Variants in CYSLTR1 observed in about 807,000 individuals in gnomAD.
CYSLTR1 encodes G-protein coupled receptor HG55.
A neutral mutation model predicts 2.1 loss-of-function variants in CYSLTR1; 1 was observed. The ratio of observed to expected loss-of-function variants is 0.48; its 90% CI spans 0.17 to 2.28. The LOEUF (loss-of-function observed/expected upper bound fraction) is 2.28, where lower values mean the gene tolerates loss of function less well. CYSLTR1 is among the 30% of genes most tolerant of loss of function. The pLI, the probability that CYSLTR1 is intolerant of heterozygous loss-of-function variation, is 0.26. For missense variants in CYSLTR1, 299 were observed against 250.1 expected, an observed-to-expected ratio of 1.20 and a Z score of -1.32; for synonymous variants, 110 against 89.6, an observed-to-expected ratio of 1.23 and a Z score of -1.28.
intron 1 of CYSLTR1, among the ~76,000 whole-genome samples, chrX:78,316,030 T>C (rs1490608987): frequency 8.9e-6 from 1 of 112,293 alleles, no homozygotes; most frequent in Non-Finnish European, 1.9e-5. Flanking sequence ...CACCCTCAGC[T>C]TTAGGTGGTT....
chrX:78,322,884 G>T, intron 1 of CYSLTR1, among the ~76,000 whole-genome samples: 1 of 111,636 alleles, frequency 9.0e-6, no homozygotes, highest in Non-Finnish European at 1.9e-5. Flanking sequence ...TCTGTTGTCA[G>T]ACAGTTGGAA....
chrX:78,274,159 C>T (rs1921458081), intron 2 of CYSLTR1, among the ~76,000 whole-genome samples: 1 of 111,330 alleles, frequency 9.0e-6, no homozygotes, highest in African/African-American at 3.3e-5. Flanking sequence ...ATGAATATAT[C>T]TATATTTATA....
chrX:78,315,099 C>G (rs1266240431), intron 1 of CYSLTR1, among the ~76,000 whole-genome samples: 7 of 106,512 alleles, frequency 6.6e-5, no homozygotes, highest in African/African-American at 2.4e-4. Context: ...GATAGGGCAC[C>G]TGTTAGAGCT....
chrX:78,297,470 T>C (rs1198382782), intron 1 of CYSLTR1, among the ~76,000 whole-genome samples: 9 of 111,843 alleles, frequency 8.0e-5, no homozygotes, highest in African/African-American at 2.6e-4. Flanking sequence ...TATGAGTTCT[T>C]TAAATGTTTG....
intron 2 of CYSLTR1, among the ~76,000 whole-genome samples, chrX:78,279,738 G>C (rs1260259388): frequency 8.9e-6 from 1 of 112,132 alleles, no homozygotes; most frequent in Non-Finnish European, 1.9e-5. Context: ...AACATGGTAT[G>C]TATACACTAT....
chrX:78,305,063 A>G (rs1017635324), intron 1 of CYSLTR1, among the ~76,000 whole-genome samples: 5 of 111,415 alleles, frequency 4.5e-5, no homozygotes, highest in African/African-American at 6.5e-5. Flanking sequence ...TCCAAATCCA[A>G]TGATCCATTT....
chrX:78,297,775 T>G (rs1278220582), intron 1 of CYSLTR1, among the ~76,000 whole-genome samples: 1 of 111,715 alleles, frequency 9.0e-6, no homozygotes, highest in Non-Finnish European at 1.9e-5. Context: ...CTCTCTTTTC[T>G]TAGTCTAGCT....
Position 78,273,421 on chromosome X carries a change from C to T in CYSLTR1, c.326G>A (p.Cys109Tyr). 8.3e-7 allele frequency: 1 copy of T among 1,211,187 alleles called. No individual in the cohort carries two copies. Among genetic ancestry groups the T allele is most frequent in the Non-Finnish European group, 1.1e-6 (1 of 895,262 alleles). ...STYALYVNLYCSIFFMTAMSF... is the reference protein window; with the variant it reads ...STYALYVNLYYSIFFMTAMSF... ...CATGGCTGTCATAAAGAAGATGCTA[C>T]AATAGAGGTTGACATACAAAGCATA... The change falls in exon 3 of 3, where the codon TGT (cysteine) becomes TAT (tyrosine). Residue 109 changes from cysteine (C) to tyrosine (Y), a missense_variant. Transcript: ENST00000373304.
chrX:78,281,329 C>A (rs1161962672), intron 2 of CYSLTR1, among the ~76,000 whole-genome samples: 1 of 108,927 alleles, frequency 9.2e-6, no homozygotes, highest in East Asian at 2.9e-4. Flanking sequence ...TGCAATGGCA[C>A]AATCTCGGCT....
intron 1 of CYSLTR1, among the ~76,000 whole-genome samples, chrX:78,307,835 G>A (rs1368302250): frequency 1.8e-5 from 2 of 111,750 alleles, no homozygotes; most frequent in Non-Finnish European, 3.8e-5. Flanking sequence ...GGTGCTTCAG[G>A]TGAATATTTA....
At chrX:78,313,313 T>C (rs894329940) in intron 1 of CYSLTR1, among the ~76,000 whole-genome samples, 11 of 110,831 alleles carry the variant, frequency 9.9e-5, no homozygotes, top group African/African-American at 3.3e-4. Flanking sequence ...GACTACCTGA[T>C]GGGGGAGAAA....
intron 1 of CYSLTR1, among the ~76,000 whole-genome samples, chrX:78,316,477 G>C (rs931709876): frequency 8.9e-6 from 1 of 111,945 alleles, no homozygotes; most frequent in African/African-American, 3.2e-5. Flanking sequence ...CTTATGGCCT[G>C]GGAAAAGTTC....
At chrX:78,320,211 T>G (rs1449471771) in intron 1 of CYSLTR1, 1 of 112,241 alleles carries the variant, frequency 8.9e-6, no homozygotes, top group Non-Finnish European at 1.9e-5. Context: ...TGGTATTGCC[T>G]ATGTTTTCTT....
intron 1 of CYSLTR1, among the ~76,000 whole-genome samples, chrX:78,304,552 C>T (rs1922952681): frequency 9.1e-6 from 1 of 110,435 alleles, no homozygotes; most frequent in East Asian, 2.8e-4. Flanking sequence ...GGCCTTAAAG[C>T]ATGACAAAAT....
At chrX:78,311,498 G>A (rs1011264603) in intron 1 of CYSLTR1, among the ~76,000 whole-genome samples, 3 of 111,526 alleles carry the variant, frequency 2.7e-5, no homozygotes, top group Non-Finnish European at 3.8e-5. Flanking sequence ...AAGCAATTAG[G>A]CAAGGCAAAG....
In CYSLTR1 at chrX:78,276,911, G is replaced by A. The variant is rs190617337; in HGVS notation, c.-27-3138C>T. 8.7e-4 allele frequency among the ~76,000 whole-genome samples: 97 copies of A among 111,150 alleles called. 1 individual carries two copies. The highest frequency in any genetic ancestry group is 3.0e-3 in the African/African-American group (93 of 30,613). On this transcript the variant is annotated intron_variant, in intron 2 of 2. Transcript: ENST00000373304. ...TACTAAGACTCATTCCTGGCCCAGA[G>A]CAGCTCCTGGGGAAGAGATGAGTGA... is the stretch of plus-strand genomic sequence containing the variant.
At chrX:78,310,999 A>G (rs1288221557) in intron 1 of CYSLTR1, among the ~76,000 whole-genome samples, 1 of 110,595 alleles carries the variant, frequency 9.0e-6, no homozygotes, top group Non-Finnish European at 1.9e-5. Flanking sequence ...ATACCATTCT[A>G]GATAATTTGA....
chrX:78,281,217 T>C (rs1921828685), intron 2 of CYSLTR1, among the ~76,000 whole-genome samples: 2 of 110,103 alleles, frequency 1.8e-5, no homozygotes, highest in South Asian at 7.6e-4. Flanking sequence ...GTATAAGTGT[T>C]TTTTTTTTCT....
At chrX:78,306,673 T>A (rs1923044083) in intron 1 of CYSLTR1, among the ~76,000 whole-genome samples, 1 of 112,153 alleles carries the variant, frequency 8.9e-6, no homozygotes, top group Admixed American at 9.5e-5. Flanking sequence ...GTTTGAATCA[T>A]TATTTCTTCA....
Sources: allele counts gnomAD v4.1 joint callset (sites outside exome capture counted in the v4.1 genomes callset), GRCh38; gene constraint gnomAD v4.1.1; transcripts MANE v1.5; gene names NCBI Gene and HGNC (gene_info 2026-07-23, HGNC 2026-07-21).